The following NCAM2 variants were observed in gnomAD, a reference collection of about 807,000 sequenced individuals.
NCAM2 encodes the protein neural cell adhesion molecule 2.
In NCAM2, 30 loss-of-function variants were observed where a neutral mutation model predicts 98.1. The observed-to-expected ratio is 0.31, with a 90% CI of 0.23 to 0.41. The LOEUF is 0.41. NCAM2 is among the 10% of genes least tolerant of loss of function. The pLI, the probability that NCAM2 is intolerant of heterozygous loss-of-function variation, is 1.00. For synonymous variants in NCAM2, 368 were observed against 342.4 expected (o/e 1.07, Z -0.83); for missense variants, 867 against 1,005.8 (o/e 0.86, Z 1.87).
intron 8 of NCAM2, among the ~76,000 whole-genome samples, chr21:21,371,110 T>C (rs1183639351): frequency 6.6e-6 from 1 of 151,654 alleles, no homozygotes; most frequent in Non-Finnish European, 1.5e-5. Flanking sequence ...ATTAGAAAGC[T>C]AGGAGCAAAT....
At chr21:21,483,056 A>G (rs1468526475) in intron 15 of NCAM2, among the ~76,000 whole-genome samples, 1 of 152,064 alleles carries the variant, frequency 6.6e-6, no homozygotes, top group Admixed American at 6.6e-5. Context: ...TGGACTGGAT[A>G]TAATCTAATG....
At chr21:21,318,353 A>T (rs567097561) in intron 5 of NCAM2, among the ~76,000 whole-genome samples, 1 of 152,254 alleles carries the variant, frequency 6.6e-6, no homozygotes, top group East Asian at 1.9e-4. Flanking sequence ...ATTATCTCAT[A>T]CTGTGGAAAG....
At chr21:21,200,449 C>A (rs1483560961) in intron 1 of NCAM2, among the ~76,000 whole-genome samples, 2 of 147,460 alleles carry the variant, frequency 1.4e-5, no homozygotes, top group African/African-American at 2.5e-5. Context: ...TATTGTATTT[C>A]ATTAACAGTT....
chr21:21,055,529 TG>T (rs2065192973), intron 1 of NCAM2, among the ~76,000 whole-genome samples: 1 of 152,104 alleles, frequency 6.6e-6, no homozygotes, highest in South Asian at 2.1e-4. Context: ...AGAGCAGACC[TG>T]CTTACCTATT....
At chr21:21,509,672 T>C (rs1488597925) in intron 16 of NCAM2, among the ~76,000 whole-genome samples, 1 of 152,182 alleles carries the variant, frequency 6.6e-6, no homozygotes, top group African/African-American at 2.4e-5. Flanking sequence ...CAAGAAAGTA[T>C]GTAGATCGAT....
chr21:21,466,530 TC>T, intron 12 of NCAM2, 75 bp from the exon 13 acceptor site: 1 of 1,100,982 alleles, frequency 9.1e-7, no homozygotes, highest in Non-Finnish European at 1.2e-6. Flanking sequence ...TGATTTGTTT[TC>T]CTTATTAAAA....
chr21:21,397,323 A>G (rs1467545268), intron 9 of NCAM2, among the ~76,000 whole-genome samples: 1 of 152,164 alleles, frequency 6.6e-6, no homozygotes, highest in Non-Finnish European at 1.5e-5. Context: ...TCTGCCCAGA[A>G]GGCTGTCTGC....
intron 1 of NCAM2, among the ~76,000 whole-genome samples, chr21:21,263,069 C>A (rs1188536188): frequency 6.6e-6 from 1 of 152,070 alleles, no homozygotes; most frequent in East Asian, 1.9e-4. Flanking sequence ...CAAATTATCC[C>A]TCTTCTCTGA....
intron 8 of NCAM2, among the ~76,000 whole-genome samples, chr21:21,369,576 A>C (rs373734952): frequency 2.7e-4 from 41 of 152,002 alleles, no homozygotes; most frequent in African/African-American, 9.9e-4. Context: ...CTCACAGGGC[A>C]TGAGGGTGCC....
chr21:21,500,252 A>T (rs181143023), intron 15 of NCAM2, among the ~76,000 whole-genome samples: 1 of 152,202 alleles, frequency 6.6e-6, no homozygotes, highest in Admixed American at 6.5e-5. Flanking sequence ...TTTTTTCTCT[A>T]ATTGATACAA....
intron 1 of NCAM2, among the ~76,000 whole-genome samples, chr21:21,021,496 A>G (rs1262877564): frequency 6.6e-6 from 1 of 152,220 alleles, no homozygotes; most frequent in East Asian, 1.9e-4. Context: ...ATACATAGAC[A>G]TGTAAGAATG....
chr21:21,288,769 C>T (rs1406937995), intron 4 of NCAM2, among the ~76,000 whole-genome samples: 1 of 151,752 alleles, frequency 6.6e-6, no homozygotes, highest in Admixed American at 6.6e-5. Context: ...AATAATGCCA[C>T]GGACCCAGAT....
chr21:21,146,086 T>C (rs1175918208), intron 1 of NCAM2, among the ~76,000 whole-genome samples: 4 of 152,182 alleles, frequency 2.6e-5, no homozygotes, highest in Admixed American at 6.5e-5. Context: ...AGTGAGAATA[T>C]GAATTTAATA....
chr21:21,396,420 G>T (rs2076508134), intron 9 of NCAM2, among the ~76,000 whole-genome samples: 1 of 152,196 alleles, frequency 6.6e-6, no homozygotes, highest in Non-Finnish European at 1.5e-5. Flanking sequence ...ATGTAGACTA[G>T]TAACACTGTC....
chr21:21,530,148 A>C (rs1017840836), intron 16 of NCAM2, among the ~76,000 whole-genome samples: 1 of 142,644 alleles, frequency 7.0e-6, no homozygotes, highest in Non-Finnish European at 1.5e-5. Context: ...ATTTAATTTA[A>C]TTATATATGA....
At chr21:21,487,808 T>G (rs1986514902) in intron 15 of NCAM2, among the ~76,000 whole-genome samples, 1 of 152,160 alleles carries the variant, frequency 6.6e-6, no homozygotes, top group South Asian at 2.1e-4. Context: ...GTTTCAGATA[T>G]GCTAACAGAG....
intron 15 of NCAM2, among the ~76,000 whole-genome samples, chr21:21,480,366 C>CAAAAAAAAAAAAAAAAAA (rs59203448): frequency 8.6e-5 from 6 of 69,942 alleles, no homozygotes; most frequent in African/African-American, 3.6e-4. Context: ...GACTCCATCT[C>CAAAAAAAAAAAAAAAAAA]AAAAAAAAAA....
chr21:21,044,067 AAG>A (rs2064962068), intron 1 of NCAM2, among the ~76,000 whole-genome samples: 1 of 151,882 alleles, frequency 6.6e-6, no homozygotes, highest in South Asian at 2.1e-4. Context: ...GAGAGAAAGA[AAG>A]AGATTATTAA....
rs142833428 is a variant in NCAM2 at position 21,034,384 on chromosome 21, C to T, written c.55+35766C>T. On this transcript the variant is annotated intron_variant, in intron 1 of 17. Coordinates refer to ENST00000400546, the MANE Select transcript of NCAM2 (RefSeq NM_004540.5). ...AGCATCTTCAGTTGGAACTGGCAAG[C>T]GGTGGCAATCTGACAGATTTTCCTG... 2.0e-4 allele frequency among the ~76,000 whole-genome samples: 31 copies of T among 152,108 alleles called. No individual in the cohort carries two copies. The East Asian group carries it at 5.0e-3, about 25-fold the overall frequency.
Sources: gnomAD v4.1 joint callset for allele counts (sites outside exome capture counted in the v4.1 genomes callset) on GRCh38, gnomAD v4.1.1 for gene constraint, MANE v1.5 for transcripts, NCBI Gene and HGNC (gene_info 2026-07-23, HGNC 2026-07-21) for gene names.